PSMD7: variants seen among roughly 807,000 people sequenced by gnomAD.
PSMD7 encodes proteasome 26S subunit, non-ATPase 7, also known as 26S proteasome non-ATPase regulatory subunit 7.
In PSMD7, 13 loss-of-function variants were observed where a neutral mutation model predicts 36.4. The observed-to-expected ratio is 0.36, with a 90% confidence interval of 0.23 to 0.57. The LOEUF (loss-of-function observed/expected upper bound fraction) is 0.57. Among genes scored for constraint, PSMD7 ranks in the 20% least tolerant of loss-of-function variants. The pLI is 0.83. For missense variants in PSMD7, 298 were observed against 393.6 expected, an observed-to-expected ratio of 0.76 and a Z score of 2.06; for synonymous variants, 186 against 151.0, an observed-to-expected ratio of 1.23 and a Z score of -1.70.
chr16:74,305,880 G>T lies in PSMD7; in HGVS notation c.*147G>T. 1 of 908,980 alleles carries T rather than the reference G, an allele frequency of 1.1e-6. No homozygotes were observed. The allele number at this position is 908,980 out of a possible 1,614,324, so 56.3% of individuals were successfully genotyped here. A position where few individuals can be genotyped will look rare whatever the true frequency, so the allele number is the denominator to read the frequency against. On this transcript the variant is annotated 3_prime_UTR_variant, in exon 7 of 7. Coordinates refer to ENST00000219313, the MANE Select transcript of PSMD7 (RefSeq NM_002811.5). ...TCTGCCTCCGGTCACTCTTGCTGTG[G>T]TGCTACGTGGAAGTGAATGGAGACT...
intron 1 of PSMD7, 104 bp downstream of exon 1, chr16:74,297,092 G>C: frequency 8.0e-7 from 1 of 1,248,472 alleles, no homozygotes; most frequent in Admixed American, 2.0e-5. Flanking sequence ...ACGCAGATAG[G>C]GCGGCTGGTG....
At chr16:74,297,444 GA>G (rs1036160298) in intron 1 of PSMD7, among the ~76,000 whole-genome samples, 1 of 152,136 alleles carries the variant, frequency 6.6e-6, no homozygotes, top group Non-Finnish European at 1.5e-5. Context: ...TCTGACCCCC[GA>G]CCCCAGGGTC....
chr16:74,300,830 C>G (rs1053404071), intron 2 of PSMD7, among the ~76,000 whole-genome samples: 1 of 152,166 alleles, frequency 6.6e-6, no homozygotes, highest in African/African-American at 2.4e-5. Flanking sequence ...CTGGCTGTAG[C>G]TGGTAGTTGC....
chr16:74,301,229 G>C (rs2034152774), intron 3 of PSMD7, 85 bp downstream of exon 3: 1 of 882,256 alleles, frequency 1.1e-6, no homozygotes, highest in African/African-American at 1.7e-5. Context: ...TTAACATCAA[G>C]GGCCCTTTCA....
rs760516235 is a variant in PSMD7 at position 74,305,409 on chromosome 16, A to G, written c.651A>G (p.Thr217=). 1 of 1,614,216 alleles carries G rather than the reference A, an allele frequency of 6.2e-7. No homozygotes were observed. The highest frequency in any genetic ancestry group is 8.5e-7 in the Non-Finnish European group (1 of 1,180,042). Residue 217 remains threonine (T), a synonymous_variant, in exon 7 of 7, where the codon ACA becomes ACG. Coordinates refer to ENST00000219313, the MANE Select transcript of PSMD7 (RefSeq NM_002811.5). ...GGAGCTACCTGGAAAAAGTCGCCAC[A>G]GGCAAGCTGCCCATCAACCACCAGA... ...DIRSYLEKVA[T]GKLPINHQII...
rs2034118242 is a variant in PSMD7 at position 74,296,998 on chromosome 16, C to T, written c.74+10C>T. 6.2e-7 allele frequency: 1 copy of T among 1,609,658 alleles called. No homozygotes were observed. Among genetic ancestry groups the T allele is most frequent in the Middle Eastern group, 1.8e-4 (1 of 5,534 alleles). On this transcript the variant is annotated intron_variant, in intron 1 of 6. Transcript: ENST00000219313. ...TGGATCATTTCAACCGGTGAGCGAG[C>T]GCCCTATAGCTGGGCCGGCGGCGCA...
At position 74,300,095 on chromosome 16, in the gene PSMD7, C is replaced by G; in HGVS notation, c.75-20C>G. 1 of 1,608,012 alleles carries G rather than the reference C, an allele frequency of 6.2e-7. No individual in the cohort carries two copies. Among genetic ancestry groups the G allele is most frequent in the South Asian group, 1.1e-5 (1 of 90,978 alleles). On this transcript the variant is annotated intron_variant, in intron 1 of 6. Coordinates refer to ENST00000219313, the MANE Select transcript of PSMD7 (RefSeq NM_002811.5). The stretch of plus-strand genomic sequence containing the variant: ...TTCTGTGCGAGCCTATCCACACTGA[C>G]CATCTGTTTTCTCATTCAGAATCGG...
At chr16:74,302,190 C>A in intron 4 of PSMD7, 22 bp from the exon 5 acceptor site, 3 of 1,607,054 alleles carry the variant, frequency 1.9e-6, no homozygotes, top group Non-Finnish European at 2.6e-6. Context: ...AGATGACTTG[C>A]TAAGATGTGT....
intron 5 of PSMD7, 98 bp from the exon 6 acceptor site, chr16:74,304,205 A>G: frequency 9.4e-7 from 1 of 1,060,162 alleles, no homozygotes; most frequent in Non-Finnish European, 1.4e-6. Flanking sequence ...CACTCATTAA[A>G]TGAGCTGACT....
Position 74,305,359 on chromosome 16 carries a change from C to A in PSMD7, c.601C>A (p.Leu201Met), listed in dbSNP as rs914558219. Residue 201 changes from leucine to methionine, a missense_variant, in exon 7 of 7, where the codon CTG becomes ATG. Coordinates refer to ENST00000219313, the MANE Select transcript of PSMD7 (RefSeq NM_002811.5). Reference sequence around the variant, plus strand: ...AAACCAGGTCCATGGTTTGAAGGGACTGAACTCCAAGCTTCTGGATATCAG... The same window carrying A: ...AAACCAGGTCCATGGTTTGAAGGGAATGAACTCCAAGCTTCTGGATATCAG... Reference protein sequence around the residue: ...ITNQVHGLKGLNSKLLDIRSY... With the variant: ...ITNQVHGLKGMNSKLLDIRSY... The A allele has an allele frequency of 6.8e-6, 11 of 1,614,032 alleles. No homozygotes were observed. The highest frequency in any genetic ancestry group is 1.3e-5 in the African/African-American group (1 of 74,932).
intron 3 of PSMD7, 66 bp from the exon 4 acceptor site, chr16:74,301,489 C>G: frequency 8.2e-7 from 1 of 1,219,214 alleles, no homozygotes; most frequent in Admixed American, 1.9e-5. Context: ...TGTTCTTATC[C>G]TTTTTGAGGG....
intron 6 of PSMD7, 63 bp downstream of exon 6, chr16:74,304,457 A>G: frequency 6.8e-7 from 1 of 1,466,858 alleles, no homozygotes; most frequent in Non-Finnish European, 9.5e-7. Context: ...TGTAAGGAAG[A>G]GGTCTGTGTC....
At position 74,301,640 on chromosome 16, in the gene PSMD7, C is replaced by A; in HGVS notation, c.345C>A (p.Tyr115Ter). The A allele has an allele frequency of 6.2e-7, 1 of 1,610,906 alleles. No homozygotes were observed. Among genetic ancestry groups the A allele is most frequent in the Non-Finnish European group, 8.5e-7 (1 of 1,177,206 alleles). Residue 115 changes from tyrosine to a stop codon, truncating the protein, a stop_gained, in exon 4 of 7, where the codon TAC (tyrosine) becomes TAA (stop). Coordinates refer to ENST00000219313, the MANE Select transcript of PSMD7 (RefSeq NM_002811.5). LOFTEE classifies it high-confidence loss of function. ...DIAINELMKR[Y>*]CPNSVLVIID... ...CCATCAACGAACTCATGAAAAGATA[C>A]TGTCCTAATTCCGTAAGTGGTGTCT...
chr16:74,300,219 T>C lies in PSMD7; in HGVS notation c.166+13T>C, dbSNP rs1206543607. ...AACAGTTTTGCAGGTAAAAGACAAA[T>C]TTTATGTTTTTCCGAGCATGATTAA... On this transcript the variant is annotated intron_variant, in intron 2 of 6. Transcript: ENST00000219313. 6 of 1,601,880 alleles carry C rather than the reference T, an allele frequency of 3.7e-6. No homozygotes were observed. Among genetic ancestry groups the C allele is most frequent in the East Asian group, 2.2e-5 (1 of 44,842 alleles).
rs1283057278 is a variant in PSMD7, at chr16:74,304,386, C to T, written c.522C>T (p.His174=). 2.5e-6 allele frequency: 4 copies of T among 1,613,152 alleles called. No homozygotes were observed. Among genetic ancestry groups the T allele is most frequent in the East Asian group, 2.2e-5 (1 of 44,888 alleles). The change falls in exon 6 of 7, where the codon CAC becomes CAT. Residue 174 remains histidine, a synonymous_variant. Transcript: ENST00000219313. ...AEEAEEVGVE[H]LLRDIKDTTV... is the part of the protein sequence containing the mutation. Reference sequence around the variant, plus strand: ...AAGCTGAGGAAGTTGGAGTTGAACACTTGTTACGGTGAGACCCTAGTACAG... The same window carrying T: ...AAGCTGAGGAAGTTGGAGTTGAACATTTGTTACGGTGAGACCCTAGTACAG...
chr16:74,299,542 A>C (rs1204672076), intron 1 of PSMD7: 1 of 455,268 alleles, frequency 2.2e-6, no homozygotes. Flanking sequence ...CATCCCCACT[A>C]TGCCCGGCTA....
intron 5 of PSMD7, 30 bp from the exon 6 acceptor site, chr16:74,304,272 TA>T (rs780971314): frequency 6.3e-7 from 1 of 1,592,388 alleles, no homozygotes; most frequent in South Asian, 1.1e-5. Flanking sequence ...TTGTGGAAAA[TA>T]AATAATTATA....
chr16:74,300,580 G>A (rs1188010289), intron 2 of PSMD7: 1 of 270,616 alleles, frequency 3.7e-6, no homozygotes, highest in Non-Finnish European at 7.1e-6. Context: ...GGAGAGAGAT[G>A]GGGAACTTTA....
intron 3 of PSMD7, 63 bp downstream of exon 3, chr16:74,301,207 G>C (rs141293105): frequency 1.7e-6 from 2 of 1,144,292 alleles, no homozygotes; most frequent in Non-Finnish European, 2.5e-6. Flanking sequence ...GGGGTCTTCT[G>C]TTCGCTTTTC....
Sources: allele counts gnomAD v4.1 joint callset (sites outside exome capture counted in the v4.1 genomes callset), GRCh38; gene constraint gnomAD v4.1.1; transcripts MANE v1.5; gene names NCBI Gene and HGNC (gene_info 2026-07-23, HGNC 2026-07-21).